The following KCND2 variants were observed in gnomAD, a reference collection of about 807,000 sequenced individuals.
KCND2 encodes potassium voltage-gated channel subfamily D member 2, also known as A-type voltage-gated potassium channel KCND2.
Under a neutral mutation model 54.4 loss-of-function variants are expected in KCND2, and 16 were observed. That is an observed-to-expected ratio of 0.29 (90% CI 0.20 to 0.45). The LOEUF is 0.45. Ranked by LOEUF, KCND2 falls within the 20% of genes least tolerant of loss-of-function variation. KCND2 has a pLI of 1.00. For synonymous variants in KCND2, 317 were observed against 310.7 expected, an observed-to-expected ratio of 1.02 and a Z score of -0.21; for missense variants, 486 against 824.2, an observed-to-expected ratio of 0.59 and a Z score of 5.02.
At chr7:120,632,905 A>G (rs1053203448) in intron 1 of KCND2, among the ~76,000 whole-genome samples, 2 of 152,208 alleles carry the variant, frequency 1.3e-5, no homozygotes, top group African/African-American at 4.8e-5. Flanking sequence ...GCAAAGAAAC[A>G]TGAGTAATCT....
intron 1 of KCND2, among the ~76,000 whole-genome samples, chr7:120,633,611 A>G (rs1793265989): frequency 6.6e-6 from 1 of 152,164 alleles, no homozygotes; most frequent in Non-Finnish European, 1.5e-5. Context: ...GTGGTTGTTA[A>G]TATTCCCCAT....
intron 1 of KCND2, among the ~76,000 whole-genome samples, chr7:120,416,255 T>C (rs919326467): frequency 6.6e-6 from 1 of 152,194 alleles, no homozygotes; most frequent in East Asian, 1.9e-4. Flanking sequence ...TCCAGCTACA[T>C]TGGCCTTTAA....
intron 1 of KCND2, among the ~76,000 whole-genome samples, chr7:120,677,920 GT>G (rs1422344937): frequency 6.6e-6 from 1 of 151,980 alleles, no homozygotes; most frequent in African/African-American, 2.4e-5. Context: ...AGCAACTGTT[GT>G]TTTAGGGTTC....
intron 2 of KCND2, among the ~76,000 whole-genome samples, chr7:120,736,608 T>C (rs1792873975): frequency 1.3e-5 from 2 of 152,118 alleles, no homozygotes; most frequent in East Asian, 1.9e-4. Flanking sequence ...GTAATTATCA[T>C]ATAATAATCA....
At chr7:120,375,365 AT>A (rs887013950) in intron 1 of KCND2, among the ~76,000 whole-genome samples, 3 of 151,896 alleles carry the variant, frequency 2.0e-5, no homozygotes, top group Admixed American at 6.6e-5. Context: ...ACACTTGGAA[AT>A]TTAGACTCCT....
intron 1 of KCND2, among the ~76,000 whole-genome samples, chr7:120,564,026 G>T (rs1425013378): frequency 6.6e-6 from 1 of 151,756 alleles, no homozygotes; most frequent in Admixed American, 6.6e-5. Flanking sequence ...TATACCAGCA[G>T]AAGAATAAAC....
At chr7:120,706,299 C>A (rs1245049560) in intron 1 of KCND2, among the ~76,000 whole-genome samples, 1 of 152,072 alleles carries the variant, frequency 6.6e-6, no homozygotes, top group Non-Finnish European at 1.5e-5. Context: ...TTGTTTTAAC[C>A]CATTTTGTGC....
At chr7:120,615,839 T>C (rs1793016916) in intron 1 of KCND2, among the ~76,000 whole-genome samples, 1 of 152,198 alleles carries the variant, frequency 6.6e-6, no homozygotes, top group Non-Finnish European at 1.5e-5. Flanking sequence ...ATATTATAGC[T>C]TAATGGTTGA....
intron 1 of KCND2, among the ~76,000 whole-genome samples, chr7:120,278,490 A>G (rs1799212575): frequency 6.6e-6 from 1 of 151,212 alleles, no homozygotes; most frequent in East Asian, 1.9e-4. Context: ...GTGATTGTAA[A>G]CAGTGGTTAT....
intron 1 of KCND2, among the ~76,000 whole-genome samples, chr7:120,287,916 A>G (rs995111404): frequency 6.6e-6 from 1 of 152,152 alleles, no homozygotes. Flanking sequence ...ATTAGATATT[A>G]TAGATAGAAA....
At chr7:120,535,154 C>G (rs1430172861) in intron 1 of KCND2, among the ~76,000 whole-genome samples, 1 of 152,120 alleles carries the variant, frequency 6.6e-6, no homozygotes, top group Non-Finnish European at 1.5e-5. Flanking sequence ...TGTCTTCATT[C>G]TGCTACGGTT....
At chr7:120,613,544 G>A (rs904787987) in intron 1 of KCND2, among the ~76,000 whole-genome samples, 2 of 151,962 alleles carry the variant, frequency 1.3e-5, no homozygotes, top group African/African-American at 4.8e-5. Context: ...GGGGAAGAAA[G>A]GAAAAGAGGG....
At chr7:120,432,019 T>A (rs1051130092) in intron 1 of KCND2, among the ~76,000 whole-genome samples, 1 of 152,180 alleles carries the variant, frequency 6.6e-6, no homozygotes, top group East Asian at 1.9e-4. Flanking sequence ...TGCATTTAAC[T>A]CCATTAAATA....
At chr7:120,716,828 A>G (rs1035112809) in intron 1 of KCND2, among the ~76,000 whole-genome samples, 1 of 152,094 alleles carries the variant, frequency 6.6e-6, no homozygotes, top group African/African-American at 2.4e-5. Context: ...ATATGCTACA[A>G]TTCTCAGGAA....
At chr7:120,305,018 C>A (rs1799631969) in intron 1 of KCND2, among the ~76,000 whole-genome samples, 2 of 152,106 alleles carry the variant, frequency 1.3e-5, no homozygotes, top group Non-Finnish European at 2.9e-5. Flanking sequence ...TCAAAGCTTA[C>A]TGATTTAATC....
chr7:120,518,902 A>G (rs936578524), intron 1 of KCND2, among the ~76,000 whole-genome samples: 14 of 152,312 alleles, frequency 9.2e-5, no homozygotes, highest in African/African-American at 2.9e-4. Flanking sequence ...ATATAATCAC[A>G]TGAGCTTTCA....
intron 1 of KCND2, among the ~76,000 whole-genome samples, chr7:120,505,059 A>G (rs1414300472): frequency 2.6e-5 from 4 of 151,848 alleles, no homozygotes; most frequent in Non-Finnish European, 5.9e-5. Context: ...AAATTTAAAA[A>G]GTGCTCAGAC....
At chr7:120,721,170 C>T (rs985789743) in intron 1 of KCND2, among the ~76,000 whole-genome samples, 5 of 151,982 alleles carry the variant, frequency 3.3e-5, no homozygotes, top group Admixed American at 6.6e-5. Context: ...TTGTTTTTGT[C>T]GTGTGTTGTT....
chr7:120,516,130 G>A (rs539161876), intron 1 of KCND2, among the ~76,000 whole-genome samples: 77 of 152,042 alleles, frequency 5.1e-4, no homozygotes, highest in Admixed American at 2.2e-3. Flanking sequence ...TGTTTAATAA[G>A]GGAATATATG....
Sources: gnomAD v4.1 joint callset for allele counts (sites outside exome capture counted in the v4.1 genomes callset) on GRCh38, gnomAD v4.1.1 for gene constraint, MANE v1.5 for transcripts, NCBI Gene and HGNC (gene_info 2026-07-23, HGNC 2026-07-21) for gene names.